Variants in GRIK1 observed in about 807,000 individuals in gnomAD.
GRIK1 encodes the protein glutamate ionotropic receptor kainate type subunit 1.
A neutral mutation model predicts 105.7 loss-of-function variants in GRIK1; 69 were observed. The observed-to-expected ratio is 0.65, with a 90% CI of 0.54 to 0.80. The LOEUF is 0.80. Among genes scored for constraint, GRIK1 ranks in the 30% least tolerant of loss-of-function variants. GRIK1 has a pLI of 0.00. For missense variants in GRIK1, 1,109 were observed against 1,167.3 expected (o/e 0.95, Z 0.73); for synonymous variants, 438 against 431.3 (o/e 1.02, Z -0.19).
At chr21:29,880,344 G>A (rs189589685) in intron 1 of GRIK1, among the ~76,000 whole-genome samples, 1 of 152,248 alleles carries the variant, frequency 6.6e-6, no homozygotes, top group East Asian at 1.9e-4. Context: ...CCAAGGAAAT[G>A]TTGCCAACTT....
intron 7 of GRIK1, among the ~76,000 whole-genome samples, chr21:29,619,675 G>A (rs1052689606): frequency 6.6e-6 from 1 of 152,166 alleles, no homozygotes; most frequent in Non-Finnish European, 1.5e-5. Flanking sequence ...CTAAGAAAAG[G>A]AAAAACTCAT....
chr21:29,553,308 G>T, intron 16 of GRIK1: 1 of 1,102,802 alleles, frequency 9.1e-7, no homozygotes, highest in Non-Finnish European at 1.1e-6. Context: ...ATGATGAGTG[G>T]GACAGAGAAG....
intron 3 of GRIK1, among the ~76,000 whole-genome samples, chr21:29,678,405 G>T (rs990060911): frequency 2.0e-4 from 31 of 152,140 alleles, no homozygotes; most frequent in African/African-American, 7.2e-4. Context: ...GTGTACCTTG[G>T]TTACAAAGGA....
Position 29,661,208 on chromosome 21 carries a change from A to G in GRIK1, c.727-6345T>C, listed in dbSNP as rs375534899. 1.4e-4 allele frequency among the ~76,000 whole-genome samples: 21 copies of G among 152,342 alleles called. No individual in the cohort carries two copies. In the East Asian group the frequency reaches 1.9e-3, roughly 14 times the overall value. ...AATAGTGGAATATACAGAAAATAGC[A>G]TTTGACACCAGAAAAATCCTGATAT... On this transcript the variant is annotated intron_variant, in intron 4 of 17. Transcript: ENST00000327783.
intron 14 of GRIK1, 120 bp downstream of exon 14, chr21:29,576,844 T>C (rs1042803711): frequency 1.6e-6 from 1 of 626,222 alleles, no homozygotes; most frequent in Non-Finnish European, 2.7e-6. Context: ...TTTTATTTCA[T>C]TAAAAAAATT....
At chr21:29,726,536 C>T (rs1274926429) in intron 1 of GRIK1, among the ~76,000 whole-genome samples, 2 of 152,122 alleles carry the variant, frequency 1.3e-5, no homozygotes, top group Non-Finnish European at 2.9e-5. Context: ...AAAGACATAA[C>T]TCTGCTTAAT....
rs901288724 is a variant in GRIK1, at chr21:29,632,423, G to A, written c.1098+10403C>T. 3.3e-5 allele frequency among the ~76,000 whole-genome samples: 5 copies of A among 152,002 alleles called. 1 individual carries two copies. The highest frequency in any genetic ancestry group is 4.4e-5 in the Non-Finnish European group (3 of 67,998). ...GATTTTAGTGAAAAATGAATGAACT[G>A]GATAAATAATATGTACCAACTTAGA... On this transcript the variant is annotated intron_variant, in intron 7 of 17. Coordinates refer to ENST00000327783, the MANE Select transcript of GRIK1 (RefSeq NM_001330994.2).
chr21:29,834,303 G>A (rs996626900), intron 1 of GRIK1, among the ~76,000 whole-genome samples: 8 of 148,112 alleles, frequency 5.4e-5, no homozygotes, highest in Non-Finnish European at 4.5e-5. Context: ...AACAGAAGTG[G>A]CAATATTCTT....
At chr21:29,836,105 G>A (rs745983014) in intron 1 of GRIK1, among the ~76,000 whole-genome samples, 5 of 152,188 alleles carry the variant, frequency 3.3e-5, no homozygotes, top group Admixed American at 6.5e-5. Flanking sequence ...ATTTCAGTCG[G>A]TCAGTGCACT....
At chr21:29,577,250 C>T in intron 13 of GRIK1, 69 bp from the exon 14 acceptor site, 1 of 865,686 alleles carries the variant, frequency 1.2e-6, no homozygotes, top group South Asian at 1.4e-5. Flanking sequence ...TACAGTTCGA[C>T]ACTATTCTAG....
At chr21:29,810,270 C>G (rs1348206213) in intron 1 of GRIK1, among the ~76,000 whole-genome samples, 1 of 148,408 alleles carries the variant, frequency 6.7e-6, no homozygotes, top group Non-Finnish European at 1.5e-5. Context: ...GCACTCCAAC[C>G]TGGGTGACAG....
intron 1 of GRIK1, among the ~76,000 whole-genome samples, chr21:29,756,081 G>A (rs2145669422): frequency 6.6e-6 from 1 of 152,322 alleles, no homozygotes; most frequent in African/African-American, 2.4e-5. Context: ...TTACGAGGAT[G>A]TGATATTTAA....
At chr21:29,777,325 C>A (rs1046707696) in intron 1 of GRIK1, among the ~76,000 whole-genome samples, 4 of 152,136 alleles carry the variant, frequency 2.6e-5, no homozygotes, top group African/African-American at 9.7e-5. Context: ...AGGGATAGGG[C>A]TCTAGAATTT....
At chr21:29,573,393 G>A (rs1013460056) in intron 14 of GRIK1, among the ~76,000 whole-genome samples, 1 of 152,180 alleles carries the variant, frequency 6.6e-6, no homozygotes, top group African/African-American at 2.4e-5. Context: ...CAGGAAAAAG[G>A]AGAACCCGCT....
In GRIK1 at chr21:29,615,332, TAC is replaced by T. The variant is rs112170491; in HGVS notation, c.1099-16397_1099-16396del. On this transcript the variant is annotated intron_variant, in intron 7 of 17. Coordinates refer to ENST00000327783, the MANE Select transcript of GRIK1 (RefSeq NM_001330994.2). The stretch of plus-strand genomic sequence containing the variant: ...TTTCTTTCTTTCTTTCTTTTTTTGA[TAC>T]AGAGTCTTGCTCTCTCTCAGGCTGG... 9.5e-5 allele frequency among the ~76,000 whole-genome samples: 14 copies of T among 147,926 alleles called. 1 individual carries two copies. Among genetic ancestry groups the T allele is most frequent in the African/African-American group, 3.7e-4 (14 of 37,468 alleles).
At chr21:29,665,072 G>A (rs766087034) in intron 4 of GRIK1, among the ~76,000 whole-genome samples, 136 of 152,118 alleles carry the variant, frequency 8.9e-4, no homozygotes, top group Admixed American at 1.6e-3. Flanking sequence ...CCGGGATTAA[G>A]CATTAGAGCA....
intron 1 of GRIK1, among the ~76,000 whole-genome samples, chr21:29,867,090 C>T (rs73345415): frequency 0.025 from 3,820 of 152,162 alleles, 162 homozygotes; most frequent in African/African-American, 0.084. Context: ...TTTTAGTATA[C>T]GCTCAATAAC....
chr21:29,568,738 C>G (rs978805530), intron 14 of GRIK1, among the ~76,000 whole-genome samples: 1 of 152,202 alleles, frequency 6.6e-6, no homozygotes, highest in Non-Finnish European at 1.5e-5. Context: ...CTGCACAATG[C>G]AACCACATGT....
At chr21:29,912,313 G>T (rs765134795) in intron 1 of GRIK1, among the ~76,000 whole-genome samples, 1 of 151,950 alleles carries the variant, frequency 6.6e-6, no homozygotes, top group Non-Finnish European at 1.5e-5. Flanking sequence ...CATGCCAGCC[G>T]CTAGATAACC....
Sources: gnomAD v4.1 joint callset for allele counts (sites outside exome capture counted in the v4.1 genomes callset) on GRCh38, gnomAD v4.1.1 for gene constraint, MANE v1.5 for transcripts, NCBI Gene and HGNC (gene_info 2026-07-23, HGNC 2026-07-21) for gene names.